The following RNF14 variants were observed in gnomAD, a reference collection of about 807,000 sequenced individuals.
The protein encoded by RNF14 is ring finger protein 14, also known as E3 ubiquitin-protein ligase RNF14.
RNF14 carries 26 observed loss-of-function variants against 52.6 expected under a neutral mutation model. The observed-to-expected ratio is 0.49, with a 90% CI of 0.36 to 0.69. The LOEUF (loss-of-function observed/expected upper bound fraction) is 0.69, where lower values mean the gene tolerates loss of function less well. Among genes scored for constraint, RNF14 ranks in the 30% least tolerant of loss-of-function variants. The pLI is 0.00. For synonymous variants in RNF14, 194 were observed against 202.0 expected (o/e 0.96, Z 0.34); for missense variants, 404 against 560.4 (o/e 0.72, Z 2.82).
At position 141,980,745 on chromosome 5, in the gene RNF14, C is replaced by T. The variant is rs971995430; in HGVS notation, c.1063+394C>T. On this transcript the variant is annotated intron_variant, in intron 6 of 8. Transcript: ENST00000394520. ...AGGACTTGAAGGAGGTAAGAAAAAC[C>T]GTGCAGATACCAGGGAGGAACATTC... Among the ~76,000 whole-genome samples, 10 of 152,238 alleles carry T rather than the reference C, an allele frequency of 6.6e-5. 1 individual carries two copies. Among genetic ancestry groups the T allele is most frequent in the Middle Eastern group, 6.8e-3 (2 of 294 alleles).
In RNF14 at chr5:141,974,925, A is replaced by C; in HGVS notation, c.276A>C (p.Thr92=). 6.2e-7 allele frequency: 1 copy of C among 1,613,908 alleles called. No individual in the cohort carries two copies. The highest frequency in any genetic ancestry group is 8.5e-7 in the Non-Finnish European group (1 of 1,179,962). The change falls in exon 4 of 9, where the codon ACA becomes ACC. Residue 92 remains threonine (T), a synonymous_variant. Coordinates refer to ENST00000394520, the MANE Select transcript of RNF14 (RefSeq NM_004290.5). ...DYPSSSPPSF[T]LSGKWLSPTQ... is the part of the protein sequence containing the mutation. The stretch of plus-strand genomic sequence containing the variant: ...CATCCTCTTCCCCACCTTCATTCAC[A>C]CTTAGTGGCAAATGGCTGTCACCAA...
chr5:141,956,703 T>C (rs895487074), upstream of RNF14: 14 of 1,614,150 alleles, frequency 8.7e-6, no homozygotes, highest in Non-Finnish European at 1.2e-5. Flanking sequence ...CATTGTGTCC[T>C]GAATCCAAGT....
At chr5:141,969,813 T>A (rs1753579912) in intron 1 of RNF14, 1 of 152,170 alleles carries the variant, frequency 6.6e-6, no homozygotes, top group African/African-American at 2.4e-5. Context: ...AAAAAACAGC[T>A]CCTCAGAAGA....
Position 141,989,087 on chromosome 5 carries a change from G to A in RNF14, c.*1297G>A, listed in dbSNP as rs1336803935. The A allele has an allele frequency of 6.6e-6, 1 of 152,202 alleles. No individual in the cohort carries two copies. The highest frequency in any genetic ancestry group is 1.5e-5 in the Non-Finnish European group (1 of 68,014). The allele number at this position is 152,202 out of a possible 1,614,324, so 9.4% of individuals were successfully genotyped here. A position where few individuals can be genotyped will look rare whatever the true frequency, so the allele number is the denominator to read the frequency against. On this transcript the variant is annotated 3_prime_UTR_variant, in exon 9 of 9. Transcript: ENST00000394520. ...TGAGGAATCACTTTTAACTGTTTTAGGTGTGTGTGTCCAGAGTGAGCAAGG... is the reference window on the plus strand; with the variant it reads ...TGAGGAATCACTTTTAACTGTTTTAAGTGTGTGTGTCCAGAGTGAGCAAGG...
At position 141,971,570 on chromosome 5, in the gene RNF14, TCTTTCTTTCTTTCTTTC is replaced by T. The variant is rs1753762053; in HGVS notation, c.-7+694_-7+710del. Among the ~76,000 whole-genome samples, 134 of 137,894 alleles carry T rather than the reference TCTTTCTTTCTTTCTTTC, an allele frequency of 9.7e-4. 2 individuals carry two copies. The highest frequency in any genetic ancestry group is 1.9e-3 in the African/African-American group (69 of 36,672). 90.5% of individuals were successfully genotyped at this position (137,894 alleles called of 152,430 possible). On this transcript the variant is annotated intron_variant, in intron 2 of 8. Transcript: ENST00000394520. ...TAATTGTAGCTAATTTCTTTTTCTT[TCTTTCTTTCTTTCTTTC>T]TTTCTTTCTTTCTTTCTTTCTTTCC...
Position 141,988,921 on chromosome 5 carries a change from T to C in RNF14, c.*1131T>C, listed in dbSNP as rs1013644264. On this transcript the variant is annotated 3_prime_UTR_variant, in exon 9 of 9. Coordinates refer to ENST00000394520, the MANE Select transcript of RNF14 (RefSeq NM_004290.5). Reference sequence around the variant, plus strand: ...GATACCTGTTCCTTTTTCTGGGTTTTGTTGGCTTTTTGAAAAATTGTCTTT... The same window carrying C: ...GATACCTGTTCCTTTTTCTGGGTTTCGTTGGCTTTTTGAAAAATTGTCTTT... 6.6e-6 allele frequency: 1 copy of C among 152,380 alleles called. No individual in the cohort carries two copies. Among genetic ancestry groups the C allele is most frequent in the Non-Finnish European group, 1.5e-5 (1 of 68,050 alleles). The allele number at this position is 152,380 out of a possible 1,614,324, so 9.4% of individuals were successfully genotyped here.
chr5:141,984,053 C>T (rs1463659827), intron 7 of RNF14, among the ~76,000 whole-genome samples: 1 of 151,014 alleles, frequency 6.6e-6, no homozygotes, highest in Non-Finnish European at 1.5e-5. Context: ...TATGTCTGAA[C>T]TGAACATAGT....
At chr5:141,962,824 ATG>A (rs1231384394), upstream of RNF14, among the ~76,000 whole-genome samples, 3 of 152,162 alleles carry the variant, frequency 2.0e-5, no homozygotes, top group African/African-American at 4.8e-5. Flanking sequence ...TTACACACAC[ATG>A]TCTTTCTCCC....
In RNF14 at chr5:141,984,799, C is replaced by T. The variant is rs200479605; in HGVS notation, c.1237-4C>T. 244 of 1,613,618 alleles carry T rather than the reference C, an allele frequency of 1.5e-4. No individual in the cohort carries two copies. Among genetic ancestry groups the T allele is most frequent in the East Asian group, 3.1e-4 (14 of 44,848 alleles). ...TATTTTTCTCTTTCTATCCTTCCCA[C>T]CAGAAATTAGACGGATGTAACAAGA... On this transcript the variant is annotated splice_region_variant and splice_polypyrimidine_tract_variant and intron_variant, in intron 7 of 8. Transcript: ENST00000394520.
chr5:141,980,252 C>T lies in RNF14; in HGVS notation c.964C>T (p.Pro322Ser). The change falls in exon 6 of 9, where the codon CCT becomes TCT. Residue 322 changes from proline to serine, a missense_variant. Transcript: ENST00000394520. ...CTGCCAGCTGCCTGTGATGCAGGAA[C>T]CTGGCTGCACCATGGGTATCTGCTC... Reference protein sequence around the residue: ...PCCQLPVMQEPGCTMGICSSC... With the variant: ...PCCQLPVMQESGCTMGICSSC... 1.2e-6 allele frequency: 2 copies of T among 1,614,232 alleles called. No homozygotes were observed. The highest frequency in any genetic ancestry group is 1.7e-6 in the Non-Finnish European group (2 of 1,180,034).
intron 1 of RNF14, among the ~76,000 whole-genome samples, chr5:141,961,531 C>T (rs952913659): frequency 2.6e-5 from 4 of 152,190 alleles, no homozygotes; most frequent in Non-Finnish European, 4.4e-5. Flanking sequence ...TCTGGAAAGG[C>T]GACGTTTTCC....
chr5:141,983,678 G>T (rs549032482), intron 7 of RNF14, 126 bp downstream of exon 7: 1 of 752,862 alleles, frequency 1.3e-6, no homozygotes, highest in South Asian at 2.3e-5. Flanking sequence ...ACCTTCTTAC[G>T]TGGAAGGTGG....
upstream of RNF14, chr5:141,966,804 C>T (rs1294576052): frequency 6.6e-6 from 1 of 152,350 alleles, no homozygotes; most frequent in Non-Finnish European, 1.5e-5. Context: ...TCACCTTCTG[C>T]TCTGACTTTG....
At chr5:141,987,517 C>T (rs1019342520) in intron 8 of RNF14, among the ~76,000 whole-genome samples, 2 of 152,058 alleles carry the variant, frequency 1.3e-5, no homozygotes, top group Non-Finnish European at 2.9e-5. Flanking sequence ...TGGAGCTGGA[C>T]AAGTACTCAT....
chr5:141,971,636 C>T (rs1239958767), intron 2 of RNF14, among the ~76,000 whole-genome samples: 7 of 117,112 alleles, frequency 6.0e-5, no homozygotes, highest in Non-Finnish European at 1.0e-4. Context: ...TCTTTCTTTC[C>T]TTTTTTTTTT....
chr5:141,973,213 CT>C (rs1336229978), intron 2 of RNF14, among the ~76,000 whole-genome samples: 7 of 149,052 alleles, frequency 4.7e-5, no homozygotes, highest in African/African-American at 1.7e-4. Flanking sequence ...TGCCATTAAG[CT>C]TTTTCCACCT....
the RNF14 span, among the ~76,000 whole-genome samples, chr5:141,950,241 T>G: frequency 6.6e-6 from 1 of 152,152 alleles, no homozygotes; most frequent in Non-Finnish European, 1.5e-5. Context: ...TCCTGGTCCC[T>G]CTCTCCCATA....
upstream of RNF14, among the ~76,000 whole-genome samples, chr5:141,968,158 C>G (rs979809325): frequency 6.8e-6 from 1 of 147,960 alleles, no homozygotes; most frequent in African/African-American, 2.5e-5. Context: ...TCGCTGTTAC[C>G]TAGGCTGGAG....
At chr5:141,978,858 C>T (rs369778503) in intron 5 of RNF14, 28 bp downstream of exon 5, 93 of 1,597,722 alleles carry the variant, frequency 5.8e-5, no homozygotes, top group Non-Finnish European at 7.1e-5. Context: ...TGATGGTTGC[C>T]TCCTAATTCT....
Sources: allele counts gnomAD v4.1 joint callset (sites outside exome capture counted in the v4.1 genomes callset), GRCh38; gene constraint gnomAD v4.1.1; transcripts MANE v1.5; gene names NCBI Gene and HGNC (gene_info 2026-07-23, HGNC 2026-07-21).